COA1: variants seen among roughly 807,000 people sequenced by gnomAD.
The protein encoded by COA1 is cytochrome c oxidase assembly factor 1.
COA1 carries 13 observed loss-of-function variants against 16.0 expected under a neutral mutation model. That is an observed-to-expected ratio of 0.81 (90% CI 0.53 to 1.29). COA1 has a LOEUF of 1.29. COA1 is among the 50% of genes most tolerant of loss of function. COA1 has a pLI of 0.00. For synonymous variants in COA1, 65 were observed against 65.7 expected (o/e 0.99, Z 0.05); for missense variants, 179 against 177.0 (o/e 1.01, Z -0.06).
downstream of COA1, among the ~76,000 whole-genome samples, chr7:43,635,855 C>CAAGTT (rs1221196662): frequency 1.3e-5 from 2 of 151,948 alleles, no homozygotes; most frequent in African/African-American, 4.8e-5. Flanking sequence ...TGTGGTAGCT[C>CAAGTT]AAGTTAAAAG....
At chr7:43,722,709 T>G (rs1327495022) in intron 1 of COA1, among the ~76,000 whole-genome samples, 3 of 152,242 alleles carry the variant, frequency 2.0e-5, no homozygotes, top group Admixed American at 2.0e-4. Context: ...AGCTAGTACA[T>G]TCTTTATGTG....
intron 1 of COA1, among the ~76,000 whole-genome samples, chr7:43,667,823 G>T (rs770809279): frequency 1.3e-5 from 2 of 152,118 alleles, no homozygotes; most frequent in African/African-American, 2.4e-5. Flanking sequence ...GCTGATCCTT[G>T]TTTTGTTTTT....
intron 1 of COA1, among the ~76,000 whole-genome samples, chr7:43,666,770 T>C (rs180688289): frequency 2.0e-5 from 3 of 152,058 alleles, no homozygotes; most frequent in Non-Finnish European, 1.5e-5. Flanking sequence ...TTATCTGCAT[T>C]TCTCTCTGGG....
At chr7:43,627,446 C>CCATAG (rs1377464450) in intron 6 of COA1, among the ~76,000 whole-genome samples, 2 of 152,134 alleles carry the variant, frequency 1.3e-5, no homozygotes, top group African/African-American at 4.8e-5. Flanking sequence ...GTGCGTGACT[C>CCATAG]AGTCCATAGA....
intron 1 of COA1, among the ~76,000 whole-genome samples, chr7:43,700,620 T>G (rs911660756): frequency 6.8e-5 from 4 of 58,968 alleles, no homozygotes; most frequent in Non-Finnish European, 1.1e-4. Context: ...GTGTGTGTGT[T>G]AGAGTAAGGT....
Position 43,665,384 on chromosome 7 carries a change from A to G in COA1, c.-38-16732T>C, listed in dbSNP as rs140139324. 3.5e-4 allele frequency among the ~76,000 whole-genome samples: 54 copies of G among 152,342 alleles called. No homozygotes were observed. In the East Asian group the frequency reaches 8.7e-3, roughly 24 times the overall value. ...TCTGCAGTTGTGAGGAAAATAAATC[A>G]TTACTATTCCATGCTTTAAAGAAAA... is the stretch of plus-strand genomic sequence containing the variant. On this transcript the variant is annotated intron_variant, in intron 1 of 5. Transcript: ENST00000223336.
At chr7:43,667,557 T>C (rs1230877853) in intron 1 of COA1, among the ~76,000 whole-genome samples, 1 of 152,216 alleles carries the variant, frequency 6.6e-6, no homozygotes, top group African/African-American at 2.4e-5. Context: ...CTGGAAATTT[T>C]GTCATTCACA....
intron 6 of COA1, among the ~76,000 whole-genome samples, chr7:43,612,214 G>T (rs371721593): frequency 6.6e-6 from 1 of 152,182 alleles, no homozygotes; most frequent in Non-Finnish European, 1.5e-5. Context: ...AAGACAAAGT[G>T]GTCCAAAGGG....
chr7:43,636,241 C>A (rs2085849556), downstream of COA1, among the ~76,000 whole-genome samples: 1 of 152,188 alleles, frequency 6.6e-6, no homozygotes, highest in African/African-American at 2.4e-5. Context: ...TGCCAAAAAA[C>A]ATGCCTGAAC....
At chr7:43,630,957 T>C (rs1348805861) in intron 6 of COA1, among the ~76,000 whole-genome samples, 1 of 152,122 alleles carries the variant, frequency 6.6e-6, no homozygotes, top group Non-Finnish European at 1.5e-5. Context: ...TGTCAGACAA[T>C]TTTGCTTCCA....
At chr7:43,702,852 T>C (rs534522294) in intron 1 of COA1, among the ~76,000 whole-genome samples, 28 of 152,342 alleles carry the variant, frequency 1.8e-4, no homozygotes, top group Non-Finnish European at 3.4e-4. Flanking sequence ...CTCAATCAGT[T>C]CAGCTCTGAT....
intron 1 of COA1, among the ~76,000 whole-genome samples, chr7:43,668,581 T>C (rs546191767): frequency 6.6e-6 from 1 of 152,336 alleles, no homozygotes; most frequent in South Asian, 2.1e-4. Flanking sequence ...TTTTTAAGCT[T>C]TTTGCCTACA....
intron 1 of COA1, among the ~76,000 whole-genome samples, chr7:43,684,829 C>T (rs1261411176): frequency 6.6e-6 from 1 of 152,150 alleles, no homozygotes; most frequent in East Asian, 1.9e-4. Flanking sequence ...AAATACCATT[C>T]AGAATCTGAA....
intron 1 of COA1, among the ~76,000 whole-genome samples, chr7:43,727,707 G>A (rs1261180124): frequency 6.6e-6 from 1 of 152,208 alleles, no homozygotes; most frequent in Non-Finnish European, 1.5e-5. Flanking sequence ...ATGGGGAGTG[G>A]GGATGGGGAA....
chr7:43,647,318 T>C (rs1472568715), intron 3 of COA1: 1 of 583,722 alleles, frequency 1.7e-6, no homozygotes, highest in Non-Finnish European at 3.1e-6. Context: ...TTATGCATAT[T>C]AGTCCTGGTC....
At chr7:43,706,731 A>G (rs2094994519) in intron 1 of COA1, among the ~76,000 whole-genome samples, 1 of 151,698 alleles carries the variant, frequency 6.6e-6, no homozygotes, top group Non-Finnish European at 1.5e-5. Context: ...TTAGCTGGGC[A>G]TGGTGGTGCA....
chr7:43,646,489 G>A (rs2089329659), intron 3 of COA1: 8 of 450,370 alleles, frequency 1.8e-5, no homozygotes, highest in South Asian at 1.2e-4. Context: ...CCCCCATAAG[G>A]CCACATAGCT....
intron 1 of COA1, chr7:43,650,396 G>A (rs1362163253): frequency 6.6e-6 from 1 of 152,128 alleles, no homozygotes; most frequent in Non-Finnish European, 1.5e-5. Context: ...ACATACTTTA[G>A]AAGAAAAGAA....
At chr7:43,652,571 A>G (rs1432190295) in intron 1 of COA1, among the ~76,000 whole-genome samples, 1 of 152,238 alleles carries the variant, frequency 6.6e-6, no homozygotes, top group African/African-American at 2.4e-5. Flanking sequence ...CACTGAGCCA[A>G]GACCATGGAT....
Sources: gnomAD v4.1 joint callset for allele counts (sites outside exome capture counted in the v4.1 genomes callset) on GRCh38, gnomAD v4.1.1 for gene constraint, MANE v1.5 for transcripts, NCBI Gene and HGNC (gene_info 2026-07-23, HGNC 2026-07-21) for gene names.